The following PRH1 variants were observed in gnomAD, a reference collection of about 807,000 sequenced individuals.
The protein encoded by PRH1 is proline rich protein HaeIII subfamily 1.
In PRH1, 7 loss-of-function variants were observed where a neutral mutation model predicts 7.9. The ratio of observed to expected loss-of-function variants is 0.89; its 90% confidence interval spans 0.50 to 1.67. PRH1 has a LOEUF of 1.67. Among genes scored for constraint, PRH1 ranks in the 40% most tolerant of loss-of-function variants. The pLI is 0.00. For synonymous variants in PRH1, 45 were observed against 80.8 expected (o/e 0.56, Z 2.38); for missense variants, 109 against 223.6 (o/e 0.49, Z 3.27).
At chr12:10,949,749 A>G (rs1232154732) in intron 2 of PRH1, among the ~76,000 whole-genome samples, 2 of 152,138 alleles carry the variant, frequency 1.3e-5, no homozygotes, top group African/African-American at 4.8e-5. Context: ...TTATAAGTTT[A>G]TCTCCCATGT....
intron 1 of PRH1, among the ~76,000 whole-genome samples, chr12:11,102,572 C>G (rs1231584047): frequency 6.6e-6 from 1 of 152,128 alleles, no homozygotes; most frequent in Non-Finnish European, 1.5e-5. Context: ...AATGTTGGAC[C>G]TAAAACCATA....
At chr12:10,962,421 G>A (rs1938280455) in intron 2 of PRH1, among the ~76,000 whole-genome samples, 1 of 152,150 alleles carries the variant, frequency 6.6e-6, no homozygotes, top group South Asian at 2.1e-4. Flanking sequence ...GGTGCCATGT[G>A]ATTTTGATGT....
chr12:11,076,248 C>A (rs1176374501), intron 1 of PRH1, among the ~76,000 whole-genome samples: 1 of 139,934 alleles, frequency 7.1e-6, no homozygotes, highest in African/African-American at 2.6e-5. Flanking sequence ...TACATCAACA[C>A]ACTTTGTGTC....
intron 1 of PRH1, among the ~76,000 whole-genome samples, chr12:11,082,776 C>T (rs796583442): frequency 5.5e-4 from 55 of 99,302 alleles, no homozygotes; most frequent in East Asian, 7.3e-4. Flanking sequence ...TACTCTTGTT[C>T]TGGCTGTTTA....
chr12:11,134,106 T>A (rs1273640109), intron 1 of PRH1: 1 of 1,614,012 alleles, frequency 6.2e-7, no homozygotes, highest in Non-Finnish European at 8.5e-7. Flanking sequence ...GCAGTGAGAA[T>A]TTGGTCAACA....
At chr12:10,967,230 C>G (rs1473426635) in intron 2 of PRH1, among the ~76,000 whole-genome samples, 2 of 151,918 alleles carry the variant, frequency 1.3e-5, no homozygotes, top group African/African-American at 4.8e-5. Flanking sequence ...CACTTCAACT[C>G]TCTTAGAGTT....
intron 1 of PRH1, chr12:11,030,373 T>C: frequency 6.3e-7 from 1 of 1,594,438 alleles, no homozygotes; most frequent in Non-Finnish European, 8.5e-7. Flanking sequence ...GTTTGTTTTC[T>C]GCTAGAAGAC....
At chr12:11,164,982 A>C (rs1263762738) in intron 1 of PRH1, among the ~76,000 whole-genome samples, 1 of 151,814 alleles carries the variant, frequency 6.6e-6, no homozygotes, top group East Asian at 1.9e-4. Flanking sequence ...CTGTCACTAT[A>C]TTTTTCTCTT....
At position 11,163,553 on chromosome 12, in the gene PRH1, G is replaced by A. The variant is rs79676731; in HGVS notation, n.39+7869C>T. Among the ~76,000 whole-genome samples, 1,445 of 152,226 alleles carry A rather than the reference G, an allele frequency of 9.5e-3. 17 individuals carry two copies. The highest frequency in any genetic ancestry group is 0.041 in the Middle Eastern group (12 of 294). On this transcript the variant is annotated intron_variant and non_coding_transcript_variant, in intron 1 of 1. Coordinates refer to the PRH1 transcript ENST00000541175. The stretch of plus-strand genomic sequence containing the variant: ...CTGTTAGTTTGAAACTATTATATGC[G>A]CTGATGCACACAATTAATTATGTGA...
chr12:10,889,816 T>C (rs1949545120), intron 2 of PRH1, among the ~76,000 whole-genome samples: 1 of 152,186 alleles, frequency 6.6e-6, no homozygotes. Flanking sequence ...TAAAGGTTTT[T>C]TAAGACATTA....
rs149035512 is a variant in PRH1 at position 11,137,723 on chromosome 12, C to G, written n.40-16543G>C. ...CTAAGTGTATTGAGCTTGACTTAAA[C>G]TTTGCTGTTTACTCCTGTAACTTTC... On this transcript the variant is annotated intron_variant and non_coding_transcript_variant, in intron 1 of 1. Transcript: ENST00000541175. Among the ~76,000 whole-genome samples, 70 of 152,200 alleles carry G rather than the reference C, an allele frequency of 4.6e-4. No individual in the cohort carries two copies. The East Asian group carries it at 9.3e-3, about 20-fold the overall frequency.
At chr12:10,995,462 T>C (rs1186070505) in intron 1 of PRH1, among the ~76,000 whole-genome samples, 1 of 152,192 alleles carries the variant, frequency 6.6e-6, no homozygotes, top group Non-Finnish European at 1.5e-5. Flanking sequence ...CATTTTCTTC[T>C]TGTAATAGAA....
At chr12:11,083,788 AAT>A (rs1204210027) in intron 1 of PRH1, among the ~76,000 whole-genome samples, 1 of 152,204 alleles carries the variant, frequency 6.6e-6, no homozygotes, top group African/African-American at 2.4e-5. Context: ...ATTTATTAAA[AAT>A]ATATTTTTGT....
At chr12:11,106,335 A>G (rs2136294244) in intron 1 of PRH1, among the ~76,000 whole-genome samples, 1 of 152,322 alleles carries the variant, frequency 6.6e-6, no homozygotes, top group East Asian at 1.9e-4. Context: ...TTGTCCTATA[A>G]TTTCCAAAAT....
At chr12:11,010,142 A>G (rs1941001731) in intron 1 of PRH1, among the ~76,000 whole-genome samples, 1 of 152,020 alleles carries the variant, frequency 6.6e-6, no homozygotes, top group Admixed American at 6.6e-5. Context: ...TTTAAACTAA[A>G]CTTCACTTAA....
At chr12:11,064,341 A>T (rs1338443369) in intron 1 of PRH1, among the ~76,000 whole-genome samples, 2 of 152,094 alleles carry the variant, frequency 1.3e-5, no homozygotes, top group African/African-American at 4.8e-5. Context: ...ACATAGTTGC[A>T]AGTACATGTG....
At chr12:11,150,781 T>G (rs986157377) in intron 1 of PRH1, among the ~76,000 whole-genome samples, 1 of 152,186 alleles carries the variant, frequency 6.6e-6, no homozygotes, top group Non-Finnish European at 1.5e-5. Flanking sequence ...GTAACTTACC[T>G]GCACATTGTG....
chr12:10,959,695 A>G (rs117323332), intron 2 of PRH1, among the ~76,000 whole-genome samples: 2,309 of 152,276 alleles, frequency 0.015, 21 homozygotes, highest in South Asian at 0.031. Context: ...AATTCCCCAC[A>G]TATCAATCTG....
chr12:10,967,507 A>G (rs1938567199), intron 2 of PRH1, among the ~76,000 whole-genome samples: 1 of 152,238 alleles, frequency 6.6e-6, no homozygotes, highest in Non-Finnish European at 1.5e-5. Flanking sequence ...GTTTCTTCAC[A>G]TCTGGTAACA....
Sources: allele counts gnomAD v4.1 joint callset (sites outside exome capture counted in the v4.1 genomes callset), GRCh38; gene constraint gnomAD v4.1.1; transcripts MANE v1.5; gene names NCBI Gene and HGNC (gene_info 2026-07-23, HGNC 2026-07-21).